The following ADAM29 variants were observed in gnomAD, a reference collection of about 807,000 sequenced individuals.
ADAM29 encodes the protein disintegrin and metalloproteinase domain-containing protein 29.
For missense variants in ADAM29, 969 were observed against 1,001.8 expected, an observed-to-expected ratio of 0.97 and a Z score of 0.44; for synonymous variants, 367 against 342.3, an observed-to-expected ratio of 1.07 and a Z score of -0.80.
At position 174,976,240 on chromosome 4, in the gene ADAM29, A is replaced by C; in HGVS notation, c.715A>C (p.Ile239Leu). ...TATAGTGGATTCCATTTTGGATGTC[A>C]TTGGTGTTAAGGTGTTATTATTTGG... ...VNIVDSILDV[I>L]GVKVLLFGLE... Residue 239 changes from isoleucine (I) to leucine (L), a missense_variant, in exon 5 of 5, where the codon ATT becomes CTT. Ile to Leu is a conservative substitution (Grantham distance 5). Transcript: ENST00000359240. The C allele has an allele frequency of 6.2e-7, 1 of 1,605,730 alleles. No individual in the cohort carries two copies. The highest frequency in any genetic ancestry group is 1.1e-5 in the South Asian group (1 of 89,066).
intron 4 of ADAM29, among the ~76,000 whole-genome samples, chr4:174,947,053 G>A (rs1313148711): frequency 1.3e-5 from 2 of 152,038 alleles, no homozygotes. Context: ...AATAGTCTCT[G>A]AGGGTTTTTT....
intron 4 of ADAM29, among the ~76,000 whole-genome samples, chr4:174,962,382 G>T (rs531588643): frequency 6.6e-6 from 1 of 151,982 alleles, no homozygotes; most frequent in South Asian, 2.1e-4. Context: ...CGTGGTGGGG[G>T]GCGCCTGTAG....
chr4:174,931,785 C>G (rs73001888), intron 3 of ADAM29, among the ~76,000 whole-genome samples: 2,589 of 151,318 alleles, frequency 0.017, 64 homozygotes, highest in African/African-American at 0.059. Flanking sequence ...TTAGTACCTA[C>G]CATAATTTAT....
intron 2 of ADAM29, among the ~76,000 whole-genome samples, chr4:174,930,442 C>T (rs1255150908): frequency 1.3e-5 from 2 of 152,040 alleles, no homozygotes; most frequent in African/African-American, 4.8e-5. Context: ...CTGGCAGCTG[C>T]TTACTGATTA....
At chr4:174,939,494 C>T (rs1744404198) in intron 4 of ADAM29, among the ~76,000 whole-genome samples, 1 of 152,084 alleles carries the variant, frequency 6.6e-6, no homozygotes, top group South Asian at 2.1e-4. Context: ...TCACTCCAAG[C>T]CAGCATTTGC....
chr4:174,922,636 C>G (rs904836217), intron 2 of ADAM29, among the ~76,000 whole-genome samples: 1 of 152,008 alleles, frequency 6.6e-6, no homozygotes, highest in Non-Finnish European at 1.5e-5. Context: ...AAGAGAGAGA[C>G]CCTCACGGCT....
intron 4 of ADAM29, among the ~76,000 whole-genome samples, chr4:174,961,166 TGTC>T (rs1267498316): frequency 6.6e-6 from 1 of 152,108 alleles, no homozygotes; most frequent in East Asian, 1.9e-4. Context: ...GTTGTAATAT[TGTC>T]TTTTGACACA....
At chr4:174,925,238 A>C (rs1743437664) in intron 2 of ADAM29, among the ~76,000 whole-genome samples, 2 of 152,184 alleles carry the variant, frequency 1.3e-5, no homozygotes, top group Admixed American at 1.3e-4. Flanking sequence ...AATCTGACAA[A>C]AGGCATGGAT....
At chr4:174,967,619 T>G (rs1383102085) in intron 4 of ADAM29, among the ~76,000 whole-genome samples, 1 of 152,202 alleles carries the variant, frequency 6.6e-6, no homozygotes, top group Non-Finnish European at 1.5e-5. Flanking sequence ...AGAAATGGTA[T>G]GAAAGGAAAA....
Position 174,975,588 on chromosome 4 carries a change from G to A in ADAM29, c.63G>A (p.Gln21=), listed in dbSNP as rs1366511421. The change falls in exon 5 of 5, where the codon CAG becomes CAA. Residue 21 remains glutamine, a synonymous_variant. Coordinates refer to ENST00000359240, the MANE Select transcript of ADAM29 (RefSeq NM_014269.4). Reference sequence around the variant, plus strand: ...TTCTGTCCTGTTCTGGACACATCCAGGATGAGCACCCCCAATATCACAGCC... The same window carrying A: ...TTCTGTCCTGTTCTGGACACATCCAAGATGAGCACCCCCAATATCACAGCC... ...GVFLSCSGHI[Q]DEHPQYHSPP... is the part of the protein sequence containing the mutation. 3 of 1,593,050 alleles carry A rather than the reference G, an allele frequency of 1.9e-6. No individual in the cohort carries two copies. Among genetic ancestry groups the A allele is most frequent in the Non-Finnish European group, 2.6e-6 (3 of 1,170,514 alleles).
At chr4:174,935,915 T>C (rs954707424) in intron 3 of ADAM29, among the ~76,000 whole-genome samples, 1 of 152,066 alleles carries the variant, frequency 6.6e-6, no homozygotes, top group African/African-American at 2.4e-5. Flanking sequence ...ACGAGAATTA[T>C]GTTTGCACTG....
At chr4:174,932,158 A>T (rs1743918173) in intron 3 of ADAM29, among the ~76,000 whole-genome samples, 1 of 152,034 alleles carries the variant, frequency 6.6e-6, no homozygotes, top group Non-Finnish European at 1.5e-5. Flanking sequence ...GTGGTGGCAC[A>T]TACCCGTAAT....
In ADAM29 at chr4:174,951,215, C is replaced by T. The variant is rs1384022902; in HGVS notation, c.-181+14202C>T. Among the ~76,000 whole-genome samples, 3 of 152,184 alleles carry T rather than the reference C, an allele frequency of 2.0e-5. No individual in the cohort carries two copies. The East Asian group carries it at 5.8e-4, about 29-fold the overall frequency. Reference sequence around the variant, plus strand: ...CTATCCACTGGCCAATGTCTCCACTCAAGTCATTTTGTATGAACACGTGGG... The same window carrying T: ...CTATCCACTGGCCAATGTCTCCACTTAAGTCATTTTGTATGAACACGTGGG... On this transcript the variant is annotated intron_variant, in intron 4 of 4. Coordinates refer to ENST00000359240, the MANE Select transcript of ADAM29 (RefSeq NM_014269.4).
At position 174,977,437 on chromosome 4, in the gene ADAM29, A is replaced by C; in HGVS notation, c.1912A>C (p.Asn638His). The change falls in exon 5 of 5, where the codon AAT becomes CAT. Residue 638 changes from asparagine (N) to histidine (H), a missense_variant. Asn to His is a moderately conservative substitution (Grantham distance 68). Transcript: ENST00000359240. Reference sequence around the variant, plus strand: ...TTGTAACAAGAGGGGCATCTGCAACAATAAACATCACTGCCATTGCAATTA... The same window carrying C: ...TTGTAACAAGAGGGGCATCTGCAACCATAAACATCACTGCCATTGCAATTA... ...AFCNKRGICN[N>H]KHHCHCNYLW... 1 of 1,613,990 alleles carries C rather than the reference A, an allele frequency of 6.2e-7. No homozygotes were observed. The highest frequency in any genetic ancestry group is 8.5e-7 in the Non-Finnish European group (1 of 1,179,934).
rs1355513055 is a variant in ADAM29 at position 174,977,261 on chromosome 4, T to C, written c.1736T>C (p.Ile579Thr). ...GTGCATTGGGCTCGCTTCAATGACA[T>C]AATGTGCTGGAGTACTGATTACCAT... Reference protein sequence around the residue: ...TTVHWARFNDIMCWSTDYHLG... With the variant: ...TTVHWARFNDTMCWSTDYHLG... Residue 579 changes from isoleucine (I) to threonine (T), a missense_variant, in exon 5 of 5, where the codon ATA (isoleucine) becomes ACA (threonine). Coordinates refer to ENST00000359240, the MANE Select transcript of ADAM29 (RefSeq NM_014269.4). 3.1e-6 allele frequency: 5 copies of C among 1,614,028 alleles called. No individual in the cohort carries two copies. The highest frequency in any genetic ancestry group is 1.3e-5 in the African/African-American group (1 of 75,048).
At chr4:174,941,721 C>G (rs1744550773) in intron 4 of ADAM29, among the ~76,000 whole-genome samples, 1 of 152,162 alleles carries the variant, frequency 6.6e-6, no homozygotes, top group African/African-American at 2.4e-5. Context: ...CCATATCACT[C>G]TACCCCTGGC....
chr4:174,977,802 T>A lies in ADAM29; in HGVS notation c.2277T>A (p.Ser759Arg). The A allele has an allele frequency of 6.3e-7, 1 of 1,592,494 alleles. No homozygotes were observed. The highest frequency in any genetic ancestry group is 8.6e-7 in the Non-Finnish European group (1 of 1,166,270). Residue 759 changes from serine to arginine, a missense_variant, in exon 5 of 5, where the codon AGT (serine) becomes AGA (arginine). Ser to Arg is a moderately radical substitution (Grantham distance 110, BLOSUM62 -1). Coordinates refer to ENST00000359240, the MANE Select transcript of ADAM29 (RefSeq NM_014269.4). ...QSHPQVMPSQ[S>R]QPPVTPSQSQ... ...ATCCTCAGGTGATGCCTTCCCAGAG[T>A]CAACCTCCTGTGACACCCTCCCAGA... is the stretch of plus-strand genomic sequence containing the variant.
At position 174,975,547 on chromosome 4, in the gene ADAM29, C is replaced by T. The variant is rs1165500074; in HGVS notation, c.22C>T (p.His8Tyr). The change falls in exon 5 of 5, where the codon CAT (histidine) becomes TAT (tyrosine). Residue 8 changes from histidine to tyrosine, a missense_variant. By Grantham distance (83) the His-to-Tyr change is moderately conservative. Coordinates refer to ENST00000359240, the MANE Select transcript of ADAM29 (RefSeq NM_014269.4). MKMLLLL[H>Y]CLGVFLSCSG... ...GAACATGAAGATGTTACTCCTGCTG[C>T]ATTGCCTTGGGGTGTTTCTGTCCTG... The T allele has an allele frequency of 6.6e-7, 1 of 1,514,882 alleles. No homozygotes were observed. Among genetic ancestry groups the T allele is most frequent in the Admixed American group, 2.3e-5 (1 of 44,100 alleles). The allele number at this position is 1,514,882 out of a possible 1,614,324, so 93.8% of individuals were successfully genotyped here.
At chr4:174,965,710 TTCTGTGTCTGTATTTCAGAG>T (rs1746120040) in intron 4 of ADAM29, among the ~76,000 whole-genome samples, 1 of 152,070 alleles carries the variant, frequency 6.6e-6, no homozygotes, top group Admixed American at 6.6e-5. Context: ...ACTGCCTTCT[TTCTGTGTCTGTATTTCAGAG>T]GAGGAGAGAC....
Sources: gnomAD v4.1 joint callset for allele counts (sites outside exome capture counted in the v4.1 genomes callset) on GRCh38, gnomAD v4.1.1 for gene constraint, MANE v1.5 for transcripts, NCBI Gene and HGNC (gene_info 2026-07-23, HGNC 2026-07-21) for gene names.